Variants in BARX2 observed in about 807,000 individuals in gnomAD.
The protein encoded by BARX2 is homeobox protein BarH-like 2.
A neutral mutation model predicts 25.5 loss-of-function variants in BARX2; 11 were observed. The observed-to-expected ratio is 0.43, with a 90% CI of 0.27 to 0.71. BARX2 has a LOEUF of 0.71. Among genes scored for constraint, BARX2 ranks in the 30% least tolerant of loss-of-function variants. The probability of loss-of-function intolerance (pLI) is 0.19; values close to 1 mark genes in which losing one functional copy is unlikely to be tolerated. For synonymous variants in BARX2, 137 were observed against 149.5 expected (o/e 0.92, Z 0.61); for missense variants, 360 against 359.9 (o/e 1.00, Z 0.00).
At chr11:129,432,886 C>T (rs2135409710) in intron 1 of BARX2, among the ~76,000 whole-genome samples, 1 of 152,304 alleles carries the variant, frequency 6.6e-6, no homozygotes, top group African/African-American at 2.4e-5. Flanking sequence ...GTCCCCTCCT[C>T]AGTGTCTTTG....
In BARX2 at chr11:129,451,309, G is replaced by A. The variant is rs372605659; in HGVS notation, c.747G>A (p.Pro249=). ...AGGAGCTCTGTGAAGCACAGGAACC[G>A]AAAGCACGTGATGTCCCCTTAGAGA... The part of the protein sequence containing the change: ...GQEELCEAQE[P]KARDVPLEMA... The change falls in exon 4 of 4, where the codon CCG becomes CCA. Residue 249 remains proline (P), a synonymous_variant. Coordinates refer to ENST00000281437, the MANE Select transcript of BARX2 (RefSeq NM_003658.5). 28 of 1,614,154 alleles carry A rather than the reference G, an allele frequency of 1.7e-5. No individual in the cohort carries two copies. The highest frequency in any genetic ancestry group is 3.3e-5 in the Admixed American group (2 of 60,016).
Position 129,451,180 on chromosome 11 carries a change from C to T in BARX2, c.618C>T (p.Arg206=), listed in dbSNP as rs1218095127. 1.2e-6 allele frequency: 2 copies of T among 1,614,124 alleles called. No individual in the cohort carries two copies. Among genetic ancestry groups the T allele is most frequent in the Non-Finnish European group, 8.5e-7 (1 of 1,180,030 alleles). The change falls in exon 4 of 4, where the codon CGC becomes CGT. Residue 206 remains arginine, a synonymous_variant. Coordinates refer to ENST00000281437, the MANE Select transcript of BARX2 (RefSeq NM_003658.5). Reference sequence around the variant, plus strand: ...AAGCACCCACAAAACCCAAAGGTCGCCCCAAGAAGAACTCCATCCCCACAT... The same window carrying T: ...AAGCACCCACAAAACCCAAAGGTCGTCCCAAGAAGAACTCCATCCCCACAT... The part of the protein sequence containing the change: ...GQEAPTKPKG[R]PKKNSIPTSE...
At position 129,436,807 on chromosome 11, in the gene BARX2, G is replaced by A. The variant is rs1210641633; in HGVS notation, c.244G>A (p.Val82Ile). Residue 82 changes from valine to isoleucine, a missense_variant, in exon 2 of 4, where the codon GTC (valine) becomes ATC (isoleucine). By Grantham distance (29) the Val-to-Ile change is conservative. This residue lies in a region of BARX2 where 240 missense variants were observed against 228.7 expected (regional missense o/e 1.05). Coordinates refer to ENST00000281437, the MANE Select transcript of BARX2 (RefSeq NM_003658.5). This position sits in a 1 kb window ranked among gnomAD's most constrained non-coding sequence, Gnocchi z 4.5. ...LLSVITRQPT[V>I]ISHLVPATPG... ...CTCGGTGATCACCCGCCAGCCCACT[G>A]TCATCTCCCACCTGGTCCCTGCCAC... 1 of 1,612,914 alleles carries A rather than the reference G, an allele frequency of 6.2e-7. No individual in the cohort carries two copies. The highest frequency in any genetic ancestry group is 1.1e-5 in the South Asian group (1 of 90,884).
chr11:129,411,221 A>G lies in BARX2; in HGVS notation c.188-25530A>G, dbSNP rs544817082. On this transcript the variant is annotated intron_variant, in intron 1 of 3. Coordinates refer to ENST00000281437, the MANE Select transcript of BARX2 (RefSeq NM_003658.5). Reference sequence around the variant, plus strand: ...CCCGTCTCTACTAAAAATACAAAAAATTAGCCGGGCGTGGTGGCAGATGCC... The same window carrying G: ...CCCGTCTCTACTAAAAATACAAAAAGTTAGCCGGGCGTGGTGGCAGATGCC... Among the ~76,000 whole-genome samples the G allele has an allele frequency of 2.2e-4, 33 of 152,130 alleles. No homozygotes were observed. The South Asian group carries it at 6.9e-3, about 32-fold the overall frequency.
chr11:129,378,122 G>A (rs764756554), intron 1 of BARX2, among the ~76,000 whole-genome samples: 4 of 152,222 alleles, frequency 2.6e-5, no homozygotes, highest in Admixed American at 6.5e-5. Context: ...GTTCACTGAT[G>A]GTTCGTGGTA....
chr11:129,413,809 A>C (rs147763171), intron 1 of BARX2, among the ~76,000 whole-genome samples: 7,036 of 152,060 alleles, frequency 0.046, 364 homozygotes, highest in South Asian at 0.15. Flanking sequence ...CACGCCTGTA[A>C]TCCCAGCACT....
intron 1 of BARX2, among the ~76,000 whole-genome samples, chr11:129,402,852 A>C (rs1861791707): frequency 4.6e-5 from 7 of 152,206 alleles, no homozygotes; most frequent in Admixed American, 4.6e-4. Flanking sequence ...AACAACAACA[A>C]AAACCCTGGG....
chr11:129,381,066 C>T (rs1344079948), intron 1 of BARX2, among the ~76,000 whole-genome samples: 2 of 152,272 alleles, frequency 1.3e-5, no homozygotes, highest in East Asian at 1.9e-4. Context: ...TGAGCCATCG[C>T]GCCCGCTGTG....
intron 1 of BARX2, among the ~76,000 whole-genome samples, chr11:129,426,435 C>T (rs11603493): frequency 0.02 from 3,007 of 151,850 alleles, 47 homozygotes; most frequent in South Asian, 0.032. Context: ...TGGAGTGGCA[C>T]AATCTCGGCT....
intron 1 of BARX2, among the ~76,000 whole-genome samples, chr11:129,435,945 C>T (rs75818140): frequency 5.3e-5 from 8 of 152,162 alleles, no homozygotes; most frequent in African/African-American, 1.9e-4. Context: ...CATTGTTAAT[C>T]GACCCAGCAC....
At chr11:129,391,800 C>G (rs1861668616) in intron 1 of BARX2, among the ~76,000 whole-genome samples, 1 of 152,162 alleles carries the variant, frequency 6.6e-6, no homozygotes, top group South Asian at 2.1e-4. Flanking sequence ...ATTTTTGGGA[C>G]TTTCTCTTTG....
chr11:129,433,135 C>T (rs2135409802), intron 1 of BARX2, among the ~76,000 whole-genome samples: 1 of 152,310 alleles, frequency 6.6e-6, no homozygotes, highest in African/African-American at 2.4e-5. Context: ...ATGGTTTTCT[C>T]ACTTAATCCT....
chr11:129,433,725 C>T (rs1364859968), intron 1 of BARX2, among the ~76,000 whole-genome samples: 1 of 152,190 alleles, frequency 6.6e-6, no homozygotes, highest in Non-Finnish European at 1.5e-5. Context: ...ATCTTCCCAC[C>T]ATGGCCTTCC....
chr11:129,451,192 C>T lies in BARX2; in HGVS notation c.630C>T (p.Asn210=), dbSNP rs1262384486. ...PTKPKGRPKK[N]SIPTSEEIEA... ...AACCCAAAGGTCGCCCCAAGAAGAA[C>T]TCCATCCCCACATCAGAAGAGATTG... Residue 210 remains asparagine, a synonymous_variant, in exon 4 of 4, where the codon AAC becomes AAT. Transcript: ENST00000281437. 15 of 1,614,168 alleles carry T rather than the reference C, an allele frequency of 9.3e-6. No individual in the cohort carries two copies. The highest frequency in any genetic ancestry group is 1.3e-5 in the Non-Finnish European group (15 of 1,180,044).
intron 1 of BARX2, among the ~76,000 whole-genome samples, chr11:129,402,134 T>C (rs192088723): frequency 6.6e-6 from 1 of 152,176 alleles, no homozygotes; most frequent in East Asian, 1.9e-4. Context: ...TGACTGCCAT[T>C]TTAGAGGTGT....
intron 1 of BARX2, among the ~76,000 whole-genome samples, chr11:129,379,935 C>A (rs779969528): frequency 1.1e-4 from 16 of 152,068 alleles, no homozygotes; most frequent in Non-Finnish European, 1.9e-4. Context: ...TAATCTAATT[C>A]TTTTCCCCTT....
chr11:129,417,913 G>C (rs189953776), intron 1 of BARX2, among the ~76,000 whole-genome samples: 26 of 152,228 alleles, frequency 1.7e-4, no homozygotes, highest in Admixed American at 1.6e-3. Context: ...TTATTAAGTA[G>C]GCAGAAGAGA....
Position 129,375,933 on chromosome 11 carries a change from C to T in BARX2, c.-103C>T. 1 of 671,874 alleles carries T rather than the reference C, an allele frequency of 1.5e-6. No homozygotes were observed. Among genetic ancestry groups the T allele is most frequent in the Non-Finnish European group, 1.8e-6 (1 of 543,356 alleles). The allele number at this position is 671,874 out of a possible 1,614,324, so 41.6% of individuals were successfully genotyped here. A position where few individuals can be genotyped will look rare whatever the true frequency, so the allele number is the denominator to read the frequency against. On this transcript the variant is annotated 5_prime_UTR_variant, in exon 1 of 4. Coordinates refer to ENST00000281437, the MANE Select transcript of BARX2 (RefSeq NM_003658.5). The surrounding 1 kb of genome is among the most constrained non-coding windows in gnomAD (Gnocchi z 4.0). ...CGAGCCCCGCCGCCTCCCCAGCTGC[C>T]GGGAGCGGGGCCCAGGCCCCGCCGT...
intron 1 of BARX2, among the ~76,000 whole-genome samples, chr11:129,393,600 G>A (rs1249153778): frequency 6.6e-6 from 1 of 151,568 alleles, no homozygotes; most frequent in African/African-American, 2.4e-5. Flanking sequence ...AATTTGCAAA[G>A]TGAGTTAATG....
Sources: allele counts gnomAD v4.1 joint callset (sites outside exome capture counted in the v4.1 genomes callset), GRCh38; gene constraint gnomAD v4.1.1; regional missense constraint gnomAD v4.1.1; non-coding constraint Gnocchi (gnomAD v3.1); transcripts MANE v1.5; gene names NCBI Gene and HGNC (gene_info 2026-07-23, HGNC 2026-07-21).